The following CEP112 variants were observed in gnomAD, a reference collection of about 807,000 sequenced individuals.
The protein encoded by CEP112 is centrosomal protein of 112 kDa.
A neutral mutation model predicts 153.0 loss-of-function variants in CEP112; 127 were observed. The ratio of observed to expected loss-of-function variants is 0.83; its 90% confidence interval spans 0.72 to 0.96. The LOEUF is 0.96. Among genes scored for constraint, CEP112 ranks in the 40% least tolerant of loss-of-function variants. The pLI is 0.00. For synonymous variants in CEP112, 358 were observed against 374.4 expected, an observed-to-expected ratio of 0.96 and a Z score of 0.51; for missense variants, 1,089 against 1,101.2, an observed-to-expected ratio of 0.99 and a Z score of 0.16.
chr17:65,890,837 C>A (rs2059437155), intron 20 of CEP112, among the ~76,000 whole-genome samples: 1 of 152,140 alleles, frequency 6.6e-6, no homozygotes, highest in African/African-American at 2.4e-5. Flanking sequence ...GCCTTCATAA[C>A]AATGTGCGAG....
At chr17:65,939,196 T>C (rs1201530673) in intron 18 of CEP112, among the ~76,000 whole-genome samples, 1 of 152,120 alleles carries the variant, frequency 6.6e-6, no homozygotes, top group African/African-American at 2.4e-5. Context: ...AGGCAAAAGA[T>C]GTATACATTG....
Position 65,892,624 on chromosome 17 carries a change from C to T in CEP112, c.2163+9528G>A, listed in dbSNP as rs776613353. Among the ~76,000 whole-genome samples the T allele has an allele frequency of 1.2e-4, 18 of 152,040 alleles. No individual in the cohort carries two copies. The South Asian group carries it at 1.5e-3, about 12-fold the overall frequency. ...AAGTCTGAAACATCTATGTACAGTCCGGGCTTTAACAGGGGAGCCTGGAAC... is the reference window on the plus strand; with the variant it reads ...AAGTCTGAAACATCTATGTACAGTCTGGGCTTTAACAGGGGAGCCTGGAAC... On this transcript the variant is annotated intron_variant, in intron 20 of 26. Coordinates refer to ENST00000535342, the MANE Select transcript of CEP112 (RefSeq NM_001199165.4).
At position 66,177,003 on chromosome 17, in the gene CEP112, G is replaced by C; in HGVS notation, c.124C>G (p.Leu42Val). The change falls in exon 3 of 27, where the codon CTT becomes GTT. Residue 42 changes from leucine to valine, a missense_variant. Coordinates refer to ENST00000535342, the MANE Select transcript of CEP112 (RefSeq NM_001199165.4). Reference sequence around the variant, plus strand: ...GGTTCGCACAGCTTTCTAATCCAAAGAGCACACCTCTGCCGTTCTATAAAT... The same window carrying C: ...GGTTCGCACAGCTTTCTAATCCAAACAGCACACCTCTGCCGTTCTATAAAT... The part of the protein sequence containing the change: ...PHRTERQRCA[L>V]WIRKLCEPSG... 1 of 1,611,426 alleles carries C rather than the reference G, an allele frequency of 6.2e-7. No individual in the cohort carries two copies. The highest frequency in any genetic ancestry group is 8.5e-7 in the Non-Finnish European group (1 of 1,179,048).
chr17:66,167,412 T>C (rs1479621108), intron 4 of CEP112, among the ~76,000 whole-genome samples: 3 of 144,498 alleles, frequency 2.1e-5, no homozygotes, highest in Non-Finnish European at 4.6e-5. Flanking sequence ...CAAATGGAGA[T>C]AGTGGTAGTA....
chr17:66,073,576 G>A (rs1341106670), intron 8 of CEP112, among the ~76,000 whole-genome samples: 1 of 152,178 alleles, frequency 6.6e-6, no homozygotes, highest in East Asian at 1.9e-4. Context: ...CCAGCCAGGT[G>A]GAGACAGCTT....
At chr17:66,146,230 C>A (rs557772387) in intron 4 of CEP112, among the ~76,000 whole-genome samples, 41 of 151,930 alleles carry the variant, frequency 2.7e-4, no homozygotes, top group Non-Finnish European at 5.3e-4. Context: ...AAGAATTCAC[C>A]AGTGATACCA....
intron 24 of CEP112, among the ~76,000 whole-genome samples, chr17:65,680,363 A>C (rs1041881810): frequency 6.6e-6 from 1 of 152,202 alleles, no homozygotes; most frequent in Non-Finnish European, 1.5e-5. Context: ...AGGAGGCCCA[A>C]TACCAAGGGC....
intron 17 of CEP112, among the ~76,000 whole-genome samples, chr17:65,983,102 T>C (rs895397269): frequency 6.6e-6 from 1 of 152,224 alleles, no homozygotes; most frequent in Admixed American, 6.5e-5. Context: ...AAGTATAGGA[T>C]TTTATTTGTG....
At chr17:66,009,842 C>A (rs932547824) in intron 16 of CEP112, among the ~76,000 whole-genome samples, 1 of 152,138 alleles carries the variant, frequency 6.6e-6, no homozygotes, top group East Asian at 1.9e-4. Flanking sequence ...TGTACCAGTA[C>A]CATGCTGTTT....
intron 22 of CEP112, among the ~76,000 whole-genome samples, chr17:65,747,059 T>A (rs1266633532): frequency 7.4e-6 from 1 of 135,740 alleles, no homozygotes; most frequent in East Asian, 2.0e-4. Flanking sequence ...ATGTTAGTGG[T>A]CTTAAAAAAA....
At chr17:65,969,973 ATG>A (rs1290589461) in intron 17 of CEP112, among the ~76,000 whole-genome samples, 2 of 152,180 alleles carry the variant, frequency 1.3e-5, no homozygotes, top group African/African-American at 4.8e-5. Flanking sequence ...TATGTATAAC[ATG>A]CATATCACAC....
chr17:65,748,178 T>C (rs981416734), intron 22 of CEP112, among the ~76,000 whole-genome samples: 2 of 152,256 alleles, frequency 1.3e-5, no homozygotes, highest in African/African-American at 4.8e-5. Flanking sequence ...CAGATATAAA[T>C]ATTTAGAAGT....
intron 6 of CEP112, among the ~76,000 whole-genome samples, chr17:66,102,781 A>G (rs2068619680): frequency 6.9e-6 from 1 of 145,468 alleles, no homozygotes; most frequent in African/African-American, 2.5e-5. Context: ...TGGGTAACAG[A>G]GCGAGACTCC....
At chr17:65,813,274 AG>A (rs1211773307) in intron 21 of CEP112, among the ~76,000 whole-genome samples, 1 of 152,210 alleles carries the variant, frequency 6.6e-6, no homozygotes, top group Non-Finnish European at 1.5e-5. Flanking sequence ...AGATCAGTCA[AG>A]TACCAAATAC....
At chr17:65,970,026 C>A (rs12940358) in intron 17 of CEP112, among the ~76,000 whole-genome samples, 73,109 of 152,030 alleles carry the variant, frequency 0.48, 18,567 homozygotes, top group East Asian at 0.89. Flanking sequence ...CGAACATGCA[C>A]GCCACATGCA....
At chr17:66,100,803 C>T (rs547447645) in intron 6 of CEP112, among the ~76,000 whole-genome samples, 1 of 152,038 alleles carries the variant, frequency 6.6e-6, no homozygotes, top group South Asian at 2.1e-4. Context: ...TGAAAATATT[C>T]AAAGTAATAA....
chr17:65,912,588 T>A (rs2060329550), intron 19 of CEP112, among the ~76,000 whole-genome samples: 1 of 152,220 alleles, frequency 6.6e-6, no homozygotes, highest in Non-Finnish European at 1.5e-5. Context: ...TCCTCCATAG[T>A]AAGCCAAGGC....
chr17:65,904,932 C>A (rs2060012665), intron 19 of CEP112, among the ~76,000 whole-genome samples: 1 of 152,144 alleles, frequency 6.6e-6, no homozygotes, highest in African/African-American at 2.4e-5. Flanking sequence ...CCCTTCCTTA[C>A]ACTTTATACA....
In CEP112 at chr17:66,192,114, G is replaced by T. The variant is rs1477909877; in HGVS notation, c.-126C>A. Reference sequence around the variant, plus strand: ...GCCGCTGGGTCGCCGCCGCCCAGCAGCCCGGGGGCGGGGACTTTCGCGCTC... The same window carrying T: ...GCCGCTGGGTCGCCGCCGCCCAGCATCCCGGGGGCGGGGACTTTCGCGCTC... On this transcript the variant is annotated 5_prime_UTR_variant, in exon 1 of 27. The change creates a new upstream start codon in the 5' untranslated region. Transcript: ENST00000535342. 1 of 153,058 alleles carries T rather than the reference G, an allele frequency of 6.5e-6. No homozygotes were observed. Among genetic ancestry groups the T allele is most frequent in the African/African-American group, 2.4e-5 (1 of 41,460 alleles). 9.5% of individuals were successfully genotyped at this position (153,058 alleles called of 1,614,324 possible). A position where few individuals can be genotyped will look rare whatever the true frequency, so the allele number is the denominator to read the frequency against.
Sources: gnomAD v4.1 joint callset for allele counts (sites outside exome capture counted in the v4.1 genomes callset) on GRCh38, gnomAD v4.1.1 for gene constraint, MANE v1.5 for transcripts, NCBI Gene and HGNC (gene_info 2026-07-23, HGNC 2026-07-21) for gene names.